ZPR1: variants seen among roughly 807,000 people sequenced by gnomAD.
ZPR1 encodes ZPR1 zinc finger, also known as zinc finger protein ZPR1.
ZPR1 carries 37 observed loss-of-function variants against 59.6 expected under a neutral mutation model. The observed-to-expected ratio is 0.62, with a 90% CI of 0.48 to 0.82. The LOEUF (loss-of-function observed/expected upper bound fraction) is 0.82, where lower values mean the gene tolerates loss of function less well. Among genes scored for constraint, ZPR1 ranks in the 40% least tolerant of loss-of-function variants. ZPR1 has a pLI of 0.00. For synonymous variants in ZPR1, 191 were observed against 215.2 expected (o/e 0.89, Z 0.99); for missense variants, 527 against 579.9 (o/e 0.91, Z 0.94).
rs140436065 is a variant in ZPR1, at chr11:116,776,680, T to C, written c.*2245A>G. On this transcript the variant is annotated 3_prime_UTR_variant, in exon 14 of 14. Coordinates refer to ENST00000227322, the MANE Select transcript of ZPR1 (RefSeq NM_003904.5). ...CATTTCCTAGGAACTGGGTGGATTC[T>C]GGGAGATTGCCTCACACCAACCAAA... The C allele has an allele frequency of 1.2e-4, 18 of 152,356 alleles. No individual in the cohort carries two copies. Among genetic ancestry groups the C allele is most frequent in the African/African-American group, 3.8e-4 (16 of 41,584 alleles). 9.4% of individuals were successfully genotyped at this position (152,356 alleles called of 1,614,324 possible). A position where few individuals can be genotyped will look rare whatever the true frequency, so the allele number is the denominator to read the frequency against.
intron 12 of ZPR1, among the ~76,000 whole-genome samples, chr11:116,781,507 C>T (rs1565320581): frequency 6.6e-6 from 1 of 152,308 alleles, no homozygotes; most frequent in East Asian, 1.9e-4. Flanking sequence ...GACCATAGTG[C>T]AGTCTTCGAA....
Position 116,778,838 on chromosome 11 carries a change from A to T in ZPR1, c.*87T>A. On this transcript the variant is annotated 3_prime_UTR_variant, in exon 14 of 14. Transcript: ENST00000227322. ...CCATGGGCAAGGGCTGGTGGGAAAG[A>T]CACTCCCAGCCTTCGCCTTCATCCA... 6.6e-7 allele frequency: 1 copy of T among 1,511,002 alleles called. No homozygotes were observed. Among genetic ancestry groups the T allele is most frequent in the Non-Finnish European group, 8.9e-7 (1 of 1,127,318 alleles). The allele number at this position is 1,511,002 out of a possible 1,614,324, so 93.6% of individuals were successfully genotyped here. A position where few individuals can be genotyped will look rare whatever the true frequency, so the allele number is the denominator to read the frequency against.
chr11:116,780,736 A>G (rs1252421870), intron 12 of ZPR1, among the ~76,000 whole-genome samples: 1 of 152,176 alleles, frequency 6.6e-6, no homozygotes, highest in Non-Finnish European at 1.5e-5. Flanking sequence ...ATTCCCCTGT[A>G]ATAAGCCCCA....
rs1940854340 is a variant in ZPR1, at chr11:116,784,384, G to T, written c.885C>A (p.Thr295=). 1.9e-6 allele frequency: 3 copies of T among 1,614,018 alleles called. No individual in the cohort carries two copies. The highest frequency in any genetic ancestry group is 2.5e-6 in the Non-Finnish European group (3 of 1,179,990). Residue 295 remains threonine (T), a synonymous_variant, in exon 9 of 14, where the codon ACC becomes ACA. Transcript: ENST00000227322. ...ATNCENCGHR[T]NEVKSGGAVE... ...AATAATGGCGCCCACCCACCTCATT[G>T]GTCCGATGCCCACAGTTCTCGCAGT...
intron 9 of ZPR1, among the ~76,000 whole-genome samples, chr11:116,784,096 C>G (rs1442023865): frequency 6.6e-6 from 1 of 152,138 alleles, no homozygotes; most frequent in Non-Finnish European, 1.5e-5. Flanking sequence ...CAAAGTCTGC[C>G]TCCCTGAACT....
chr11:116,783,709 T>A, intron 9 of ZPR1, 90 bp from the exon 10 acceptor site: 1 of 1,017,106 alleles, frequency 9.8e-7, no homozygotes, highest in Non-Finnish European at 1.5e-6. Flanking sequence ...GGACATCCAA[T>A]CAGTTAGGGC....
At position 116,776,867 on chromosome 11, in the gene ZPR1, A is replaced by C. The variant is rs1436039623; in HGVS notation, c.*2058T>G. The C allele has an allele frequency of 6.6e-6, 1 of 152,262 alleles. No individual in the cohort carries two copies. Among genetic ancestry groups the C allele is most frequent in the African/African-American group, 2.4e-5 (1 of 41,470 alleles). 9.4% of individuals were successfully genotyped at this position (152,262 alleles called of 1,614,324 possible). A position where few individuals can be genotyped will look rare whatever the true frequency, so the allele number is the denominator to read the frequency against. ...TCAGAGGGTTGTCTGGTAAACTTAG[A>C]TTCCCAAGTCAGCTGGAAACATACC... On this transcript the variant is annotated 3_prime_UTR_variant, in exon 14 of 14. Coordinates refer to ENST00000227322, the MANE Select transcript of ZPR1 (RefSeq NM_003904.5).
At position 116,776,611 on chromosome 11, in the gene ZPR1, C is replaced by G. The variant is rs1490155980; in HGVS notation, c.*2314G>C. On this transcript the variant is annotated 3_prime_UTR_variant, in exon 14 of 14. Transcript: ENST00000227322. ...AGTACCTTAGCTGGGTTATCCCAGT[C>G]TGGCACCTGGTCCTCAGTCTTCAAG... 4 of 152,260 alleles carry G rather than the reference C, an allele frequency of 2.6e-5. No homozygotes were observed. The highest frequency in any genetic ancestry group is 9.6e-5 in the African/African-American group (4 of 41,466). 9.4% of individuals were successfully genotyped at this position (152,260 alleles called of 1,614,324 possible).
chr11:116,779,849 A>G lies in ZPR1; in HGVS notation c.1180-12T>C. ...TTACCTTCGATGATCTAAAGGAGAGAGAGAACACAGCAAGTAAATTTTACA... is the reference window on the plus strand; with the variant it reads ...TTACCTTCGATGATCTAAAGGAGAGGGAGAACACAGCAAGTAAATTTTACA... On this transcript the variant is annotated splice_polypyrimidine_tract_variant and intron_variant, in intron 12 of 13. Transcript: ENST00000227322. The G allele has an allele frequency of 2.6e-6, 4 of 1,561,054 alleles. No individual in the cohort carries two copies. Among genetic ancestry groups the G allele is most frequent in the Non-Finnish European group, 3.5e-6 (4 of 1,148,630 alleles).
intron 9 of ZPR1, 97 bp downstream of exon 9, chr11:116,784,281 C>A: frequency 1.5e-6 from 2 of 1,301,206 alleles, no homozygotes; most frequent in South Asian, 1.2e-5. Flanking sequence ...TACTCTACAC[C>A]CCCTGCCCCC....
In ZPR1 at chr11:116,778,974, T is replaced by C. The variant is rs370093425; in HGVS notation, c.1331A>G (p.Asn444Ser). 6 of 1,614,114 alleles carry C rather than the reference T, an allele frequency of 3.7e-6. No homozygotes were observed. Among genetic ancestry groups the C allele is most frequent in the East Asian group, 2.2e-5 (1 of 44,904 alleles). Residue 444 changes from asparagine (N) to serine (S), a missense_variant, in exon 14 of 14, where the codon AAT becomes AGT. Asn to Ser is a conservative substitution (Grantham distance 46, BLOSUM62 1). Transcript: ENST00000227322. ...CTCATAGCCCTCTGTCTTCATGTCA[T>C]TGAGCCCTAGCTCCTCATTTTGGTC... ...TFDQNEELGL[N>S]DMKTEGYEAG...
In ZPR1 at chr11:116,783,549, A is replaced by C. The variant is rs779153303; in HGVS notation, c.962T>G (p.Met321Arg). Reference sequence around the variant, plus strand: ...TGTTACCTTGAGGAGGTCTCTGGTCATATCTGAGGCATCTGTGATGTGGAG... The same window carrying C: ...TGTTACCTTGAGGAGGTCTCTGGTCCTATCTGAGGCATCTGTGATGTGGAG... Reference protein sequence around the residue: ...ITLHITDASDMTRDLLKSETC... With the variant: ...ITLHITDASDRTRDLLKSETC... The change falls in exon 10 of 14, where the codon ATG (methionine) becomes AGG (arginine). Residue 321 changes from methionine (M) to arginine (R), a missense_variant. Transcript: ENST00000227322. 2.5e-6 allele frequency: 4 copies of C among 1,614,144 alleles called. No homozygotes were observed. In the South Asian group the frequency reaches 4.4e-5, roughly 18 times the overall value.
At position 116,775,456 on chromosome 11, in the gene ZPR1, CAA is replaced by C. The variant is rs556748837; in HGVS notation, c.*3467_*3468del. 6.0e-4 allele frequency: 41 copies of C among 68,004 alleles called. No homozygotes were observed. Among genetic ancestry groups the C allele is most frequent in the East Asian group, 1.0e-3 (3 of 2,870 alleles). The allele number at this position is 68,004 out of a possible 1,614,324, so 4.2% of individuals were successfully genotyped here. A position where few individuals can be genotyped will look rare whatever the true frequency, so the allele number is the denominator to read the frequency against. On this transcript the variant is annotated 3_prime_UTR_variant, in exon 14 of 14. Coordinates refer to ENST00000227322, the MANE Select transcript of ZPR1 (RefSeq NM_003904.5). ...CTGGGTGACAGAGCAAGACTGTCTC[CAA>C]AAAAAAAAAAAAAAAAAAAATTAGC...
Position 116,777,779 on chromosome 11 carries a change from C to T in ZPR1, c.*1146G>A, listed in dbSNP as rs1034689073. ...CCTGCAGTCTGCACCACAGGAGTCA[C>T]CTTTTGTTTATGAGAGGCAGGAGAC... On this transcript the variant is annotated 3_prime_UTR_variant, in exon 14 of 14. Transcript: ENST00000227322. 2.0e-5 allele frequency: 3 copies of T among 152,130 alleles called. No homozygotes were observed. The highest frequency in any genetic ancestry group is 7.2e-5 in the African/African-American group (3 of 41,420). The allele number at this position is 152,130 out of a possible 1,614,324, so 9.4% of individuals were successfully genotyped here. A position where few individuals can be genotyped will look rare whatever the true frequency, so the allele number is the denominator to read the frequency against.
In ZPR1 at chr11:116,775,442, A is replaced by T. The variant is rs1162535063; in HGVS notation, c.*3483T>A. 6.9e-6 allele frequency: 1 copy of T among 144,292 alleles called. No homozygotes were observed. The highest frequency in any genetic ancestry group is 2.7e-5 in the African/African-American group (1 of 37,712). The allele number at this position is 144,292 out of a possible 1,614,324, so 8.9% of individuals were successfully genotyped here. On this transcript the variant is annotated 3_prime_UTR_variant, in exon 14 of 14. Coordinates refer to ENST00000227322, the MANE Select transcript of ZPR1 (RefSeq NM_003904.5). ...CACTGCACTCCATCCTGGGTGACAG[A>T]GCAAGACTGTCTCCAAAAAAAAAAA...
rs761165130 is a variant in ZPR1 at position 116,787,077 on chromosome 11, C to T, written c.334-18G>A. The T allele has an allele frequency of 4.4e-6, 7 of 1,602,766 alleles. No individual in the cohort carries two copies. Among genetic ancestry groups the T allele is most frequent in the Middle Eastern group, 3.3e-4 (2 of 6,072 alleles). Reference sequence around the variant, plus strand: ...TTCATGTCCTGGGAAGAAAAGAATACGTTCAGTACAAAGAGACTGCAGAAC... The same window carrying T: ...TTCATGTCCTGGGAAGAAAAGAATATGTTCAGTACAAAGAGACTGCAGAAC... On this transcript the variant is annotated intron_variant, in intron 2 of 13. Coordinates refer to ENST00000227322, the MANE Select transcript of ZPR1 (RefSeq NM_003904.5).
chr11:116,784,012 G>A (rs1676003681), intron 9 of ZPR1, among the ~76,000 whole-genome samples: 1 of 152,142 alleles, frequency 6.6e-6, no homozygotes, highest in South Asian at 2.1e-4. Context: ...ACACTCAGGG[G>A]AAGGGAATTT....
intron 12 of ZPR1, among the ~76,000 whole-genome samples, chr11:116,781,131 A>T (rs1940797797): frequency 6.6e-6 from 1 of 152,126 alleles, no homozygotes; most frequent in Non-Finnish European, 1.5e-5. Context: ...GAAACCAAAA[A>T]TAGGACCAAA....
In ZPR1 at chr11:116,779,071, A is replaced by T; in HGVS notation, c.1246-12T>A. ...GGCGCATACACATTCTGCAAGGTCA[A>T]GGAGAGACAATCAGTGCCGCTGTGC... On this transcript the variant is annotated splice_polypyrimidine_tract_variant and intron_variant, in intron 13 of 13. Transcript: ENST00000227322. 6.2e-7 allele frequency: 1 copy of T among 1,613,772 alleles called. No individual in the cohort carries two copies. The highest frequency in any genetic ancestry group is 8.5e-7 in the Non-Finnish European group (1 of 1,179,866).
Sources: allele counts gnomAD v4.1 joint callset (sites outside exome capture counted in the v4.1 genomes callset), GRCh38; gene constraint gnomAD v4.1.1; transcripts MANE v1.5; gene names NCBI Gene and HGNC (gene_info 2026-07-23, HGNC 2026-07-21).